Variants in SYT1 observed in about 807,000 individuals in gnomAD.
The protein encoded by SYT1 is synaptotagmin-1.
SYT1 carries 8 observed loss-of-function variants against 44.8 expected under a neutral mutation model. That is an observed-to-expected ratio of 0.18 (90% CI 0.10 to 0.32). The LOEUF (loss-of-function observed/expected upper bound fraction) is 0.32, where lower values mean the gene tolerates loss of function less well. Among genes scored for constraint, SYT1 ranks in the 10% least tolerant of loss-of-function variants. The pLI is 1.00. For synonymous variants in SYT1, 154 were observed against 188.8 expected, an observed-to-expected ratio of 0.82 and a Z score of 1.51; for missense variants, 286 against 509.3, an observed-to-expected ratio of 0.56 and a Z score of 4.22.
chr12:78,924,678 A>T (rs538932065), intron 1 of SYT1, among the ~76,000 whole-genome samples: 2 of 148,706 alleles, frequency 1.3e-5, no homozygotes, highest in Non-Finnish European at 3.0e-5. Flanking sequence ...ATATTTCTTT[A>T]TATCTTTGAT....
At chr12:78,911,539 G>T (rs1208087085) in intron 1 of SYT1, among the ~76,000 whole-genome samples, 1 of 151,614 alleles carries the variant, frequency 6.6e-6, no homozygotes, top group African/African-American at 2.4e-5. Flanking sequence ...GAAAGACATG[G>T]TTTAAGAGTG....
intron 2 of SYT1, among the ~76,000 whole-genome samples, chr12:78,996,749 T>C (rs1389543318): frequency 6.6e-6 from 1 of 151,984 alleles, no homozygotes; most frequent in Non-Finnish European, 1.5e-5. Context: ...TTTACCAAAA[T>C]ACAGAAAACG....
chr12:78,947,196 T>G (rs1444774564), intron 1 of SYT1, among the ~76,000 whole-genome samples: 1 of 152,200 alleles, frequency 6.6e-6, no homozygotes, highest in Non-Finnish European at 1.5e-5. Flanking sequence ...CACAGAAATG[T>G]GAATGATGTC....
At chr12:79,283,773 GA>G (rs1879168222) in intron 4 of SYT1, among the ~76,000 whole-genome samples, 1 of 151,896 alleles carries the variant, frequency 6.6e-6, no homozygotes, top group Non-Finnish European at 1.5e-5. Flanking sequence ...AGAACTGGAA[GA>G]AAACTTCTTT....
intron 2 of SYT1, among the ~76,000 whole-genome samples, chr12:79,008,292 C>A (rs1406411092): frequency 1.3e-5 from 2 of 151,902 alleles, no homozygotes; most frequent in African/African-American, 4.8e-5. Flanking sequence ...GTTCTAGGAG[C>A]AGATAGAAGT....
At chr12:78,991,474 A>C (rs1870015919) in intron 2 of SYT1, among the ~76,000 whole-genome samples, 1 of 152,132 alleles carries the variant, frequency 6.6e-6, no homozygotes. Context: ...AGATTTTAAA[A>C]TTGTAGACCT....
intron 4 of SYT1, among the ~76,000 whole-genome samples, chr12:79,228,404 A>G (rs1367619180): frequency 6.6e-6 from 1 of 152,168 alleles, no homozygotes; most frequent in Non-Finnish European, 1.5e-5. Flanking sequence ...CCGATGTACA[A>G]TTACGAGGGT....
intron 3 of SYT1, among the ~76,000 whole-genome samples, chr12:79,179,068 A>ATATATC (rs1364881146): frequency 2.8e-5 from 2 of 70,722 alleles, no homozygotes; most frequent in Non-Finnish European, 6.4e-5. Context: ...ATAGATATAG[A>ATATATC]TATATAGATA....
At chr12:79,234,796 C>T (rs1246092732) in intron 4 of SYT1, among the ~76,000 whole-genome samples, 6 of 150,122 alleles carry the variant, frequency 4.0e-5, no homozygotes, top group East Asian at 2.0e-4. Context: ...CTGCAACCTC[C>T]GCCTTCTGGG....
intron 3 of SYT1, among the ~76,000 whole-genome samples, chr12:79,177,998 C>T (rs1872002627): frequency 6.6e-6 from 1 of 150,560 alleles, no homozygotes; most frequent in Admixed American, 6.6e-5. Context: ...TTGTAGGTTG[C>T]CTGTTCACTC....
intron 3 of SYT1, among the ~76,000 whole-genome samples, chr12:79,137,748 G>T (rs1869292308): frequency 1.3e-5 from 2 of 152,036 alleles, no homozygotes; most frequent in African/African-American, 4.8e-5. Flanking sequence ...ATTTGATTTA[G>T]CTGTAATTCT....
chr12:79,331,253 T>C (rs1403086108), intron 8 of SYT1, among the ~76,000 whole-genome samples: 1 of 152,182 alleles, frequency 6.6e-6, no homozygotes, highest in Non-Finnish European at 1.5e-5. Context: ...TTTTACACAT[T>C]TTCTTTAAAT....
chr12:79,174,978 A>G (rs1871769874), intron 3 of SYT1, among the ~76,000 whole-genome samples: 1 of 152,110 alleles, frequency 6.6e-6, no homozygotes, highest in African/African-American at 2.4e-5. Context: ...GTTAATATTC[A>G]TCAAAGTTTC....
chr12:79,369,153 C>T (rs572500765), intron 9 of SYT1, among the ~76,000 whole-genome samples: 85 of 152,264 alleles, frequency 5.6e-4, no homozygotes, highest in African/African-American at 1.9e-3. Context: ...AGCTATAAAC[C>T]TGAAACCTAT....
chr12:78,903,016 T>C (rs1229525300), intron 1 of SYT1, among the ~76,000 whole-genome samples: 1 of 152,180 alleles, frequency 6.6e-6, no homozygotes, highest in Non-Finnish European at 1.5e-5. Context: ...GGTCATAGTA[T>C]TAAATCAGCT....
intron 2 of SYT1, among the ~76,000 whole-genome samples, chr12:78,979,193 T>A (rs767947873): frequency 6.6e-6 from 1 of 152,198 alleles, no homozygotes; most frequent in Admixed American, 6.5e-5. Context: ...CTAATTTACA[T>A]TGGATATTTT....
chr12:79,189,938 C>T (rs1483179740), intron 3 of SYT1, among the ~76,000 whole-genome samples: 2 of 152,098 alleles, frequency 1.3e-5, no homozygotes, highest in African/African-American at 2.4e-5. Flanking sequence ...AATAAGCACA[C>T]AGTCACACAA....
intron 9 of SYT1, among the ~76,000 whole-genome samples, chr12:79,373,480 T>C (rs1191856543): frequency 6.6e-6 from 1 of 152,186 alleles, no homozygotes; most frequent in African/African-American, 2.4e-5. Context: ...ATTACTAATT[T>C]GTTAATAATA....
At chr12:79,105,656 A>G (rs899602254) in intron 3 of SYT1, among the ~76,000 whole-genome samples, 14 of 152,308 alleles carry the variant, frequency 9.2e-5, no homozygotes, top group African/African-American at 3.1e-4. Flanking sequence ...CGAGGCAGAC[A>G]GATCAGGAGG....
Sources: allele counts gnomAD v4.1 joint callset (sites outside exome capture counted in the v4.1 genomes callset), GRCh38; gene constraint gnomAD v4.1.1; transcripts MANE v1.5; gene names NCBI Gene and HGNC (gene_info 2026-07-23, HGNC 2026-07-21).